The following PCSK5 variants were observed in gnomAD, a reference collection of about 807,000 sequenced individuals.
The protein encoded by PCSK5 is proprotein convertase subtilisin/kexin type 5, also known as prohormone convertase 5.
In PCSK5, 129 loss-of-function variants were observed where a neutral mutation model predicts 233.2. The ratio of observed to expected loss-of-function variants is 0.55; its 90% CI spans 0.48 to 0.64. PCSK5 has a LOEUF of 0.64. PCSK5 is among the 30% of genes least tolerant of loss of function. The pLI is 0.00. For synonymous variants in PCSK5, 825 were observed against 879.2 expected, an observed-to-expected ratio of 0.94 and a Z score of 1.09; for missense variants, 2,076 against 2,430.1, an observed-to-expected ratio of 0.85 and a Z score of 3.06.
intron 24 of PCSK5, among the ~76,000 whole-genome samples, chr9:76,280,459 G>T (rs1827829731): frequency 6.6e-6 from 1 of 152,118 alleles, no homozygotes; most frequent in African/African-American, 2.4e-5. Flanking sequence ...AACAAAGGTA[G>T]GGCCGGACAC....
rs763550601 is a variant in PCSK5, at chr9:75,893,879, G to A, written c.192+2506G>A. The stretch of plus-strand genomic sequence containing the variant: ...GAGAGCATTTCCTCTGTAGATCAAA[G>A]GAGCTTAAGCCTATGCTAAGTCTTT... On this transcript the variant is annotated intron_variant, in intron 1 of 37. Transcript: ENST00000674117. Among the ~76,000 whole-genome samples, 3 of 152,150 alleles carry A rather than the reference G, an allele frequency of 2.0e-5. No homozygotes were observed. In the South Asian group the frequency reaches 6.2e-4, roughly 32 times the overall value.
intron 34 of PCSK5, among the ~76,000 whole-genome samples, chr9:76,334,743 A>G (rs1160839157): frequency 3.3e-5 from 5 of 152,196 alleles, no homozygotes; most frequent in South Asian, 2.1e-4. Context: ...GAAAAACACC[A>G]GTCATATAGA....
At chr9:76,067,828 T>C in intron 5 of PCSK5, 127 bp from the exon 6 acceptor site, 1 of 707,224 alleles carries the variant, frequency 1.4e-6, no homozygotes, top group Non-Finnish European at 2.5e-6. Context: ...AAGTGCTACT[T>C]GGGAAGGAAG....
At chr9:76,016,412 G>A (rs565264832) in intron 3 of PCSK5, among the ~76,000 whole-genome samples, 1 of 152,330 alleles carries the variant, frequency 6.6e-6, no homozygotes, top group South Asian at 2.1e-4. Context: ...AATAGAGATG[G>A]AGGCAATGGT....
At chr9:76,056,876 G>T (rs192620125) in intron 5 of PCSK5, among the ~76,000 whole-genome samples, 1 of 152,116 alleles carries the variant, frequency 6.6e-6, no homozygotes, top group African/African-American at 2.4e-5. Flanking sequence ...TCATTGGTCT[G>T]TAGATCAATT....
chr9:75,985,600 G>A (rs1007364765), intron 2 of PCSK5, among the ~76,000 whole-genome samples: 3 of 152,054 alleles, frequency 2.0e-5, no homozygotes, highest in African/African-American at 4.8e-5. Flanking sequence ...ATAAACTGTG[G>A]CATGTGGAAC....
Position 76,175,096 on chromosome 9 carries a change from C to G in PCSK5, c.1867C>G (p.Pro623Ala), listed in dbSNP as rs772824954. Residue 623 changes from proline (P) to alanine (A), a missense_variant, in exon 14 of 38, where the codon CCC becomes GCC. This residue lies in a region of PCSK5 where 84 missense variants were observed against 108.8 expected (regional missense o/e 0.77). Coordinates refer to ENST00000674117, the MANE Select transcript of PCSK5 (RefSeq NM_001372043.1). Reference sequence around the variant, plus strand: ...GTTCCGCTATAGCCGAGTTGAAGACCCCACAGACGACTATGGCACAGAGGA... The same window carrying G: ...GTTCCGCTATAGCCGAGTTGAAGACGCCACAGACGACTATGGCACAGAGGA... ...ERFRYSRVED[P>A]TDDYGTEDYA... The G allele has an allele frequency of 6.2e-7, 1 of 1,614,108 alleles. No individual in the cohort carries two copies. The highest frequency in any genetic ancestry group is 2.2e-5 in the East Asian group (1 of 44,878).
intron 2 of PCSK5, among the ~76,000 whole-genome samples, chr9:75,945,097 G>T (rs1311590520): frequency 6.6e-6 from 1 of 151,124 alleles, no homozygotes; most frequent in East Asian, 1.9e-4. Context: ...CAACAAGAGC[G>T]AAATTCCATC....
intron 3 of PCSK5, among the ~76,000 whole-genome samples, chr9:76,007,200 C>T (rs912644336): frequency 6.6e-6 from 1 of 151,978 alleles, no homozygotes; most frequent in African/African-American, 2.4e-5. Context: ...TTGTTCTGTC[C>T]ATATATTTTA....
chr9:75,975,227 C>CG (rs1184389655), intron 2 of PCSK5, among the ~76,000 whole-genome samples: 1 of 152,074 alleles, frequency 6.6e-6, no homozygotes, highest in African/African-American at 2.4e-5. Context: ...CAGTAGGAGC[C>CG]GTGGAAATTT....
chr9:75,893,673 A>T (rs923925142), intron 1 of PCSK5, among the ~76,000 whole-genome samples: 3 of 152,230 alleles, frequency 2.0e-5, no homozygotes, highest in African/African-American at 7.2e-5. Context: ...TATTTACAAA[A>T]GGCCTTATAG....
chr9:76,157,145 C>T lies in PCSK5; in HGVS notation c.1413C>T (p.Ser471=). Residue 471 remains serine, a synonymous_variant, in exon 11 of 38, where the codon AGC becomes AGT. Coordinates refer to ENST00000674117, the MANE Select transcript of PCSK5 (RefSeq NM_001372043.1). ...TVPRQHVCVE[S]TDRQIKTIRP... Reference sequence around the variant, plus strand: ...CCCGGCAGCACGTGTGTGTGGAGAGCACAGACCGACAAATCAAGTAATGCT... The same window carrying T: ...CCCGGCAGCACGTGTGTGTGGAGAGTACAGACCGACAAATCAAGTAATGCT... The T allele has an allele frequency of 6.2e-7, 1 of 1,611,384 alleles. No homozygotes were observed. Among genetic ancestry groups the T allele is most frequent in the Non-Finnish European group, 8.5e-7 (1 of 1,178,152 alleles).
At chr9:76,015,009 A>T (rs773069329) in intron 3 of PCSK5, among the ~76,000 whole-genome samples, 3 of 152,302 alleles carry the variant, frequency 2.0e-5, no homozygotes, top group African/African-American at 7.2e-5. Flanking sequence ...GGATTGGTTC[A>T]TGTGATAATG....
Position 76,013,606 on chromosome 9 carries a change from C to T in PCSK5, c.412-10132C>T, listed in dbSNP as rs536894368. On this transcript the variant is annotated intron_variant, in intron 3 of 37. Transcript: ENST00000674117. ...TTTTCTATTTATTTGTCTTTCTTTC[C>T]GTCTGTTAATTCGTCCATTCACCCA... Among the ~76,000 whole-genome samples, 21 of 152,118 alleles carry T rather than the reference C, an allele frequency of 1.4e-4. No individual in the cohort carries two copies. The East Asian group carries it at 1.7e-3, about 13-fold the overall frequency.
Position 76,120,683 on chromosome 9 carries a change from G to GTT in PCSK5, c.1208+13340_1208+13341dup, listed in dbSNP as rs34304669. Among the ~76,000 whole-genome samples the GTT allele has an allele frequency of 1.3e-3, 188 of 149,986 alleles. 2 individuals are homozygous for GTT. The highest frequency in any genetic ancestry group is 3.6e-3 in the South Asian group (17 of 4,764). ...ACATTATATTATAGCTGATTTTCTT[G>GTT]TTTTTTTTTCCAGAATATATTCATA... On this transcript the variant is annotated intron_variant, in intron 9 of 37. Coordinates refer to ENST00000674117, the MANE Select transcript of PCSK5 (RefSeq NM_001372043.1).
chr9:75,897,493 T>TTC (rs1554702416), intron 1 of PCSK5, among the ~76,000 whole-genome samples: 5 of 142,084 alleles, frequency 3.5e-5, no homozygotes, highest in Non-Finnish European at 6.0e-5. Flanking sequence ...TCTTTTCTTT[T>TTC]TTTTTTTTTT....
Position 76,359,788 on chromosome 9 carries a change from A to C in PCSK5, c.*866A>C, listed in dbSNP as rs1007166289. On this transcript the variant is annotated 3_prime_UTR_variant, in exon 38 of 38. Coordinates refer to ENST00000674117, the MANE Select transcript of PCSK5 (RefSeq NM_001372043.1). Reference sequence around the variant, plus strand: ...CATAAAATGGAATAAAATGACAAACACTTCATCCGCTCTAAAAAATTCAGA... The same window carrying C: ...CATAAAATGGAATAAAATGACAAACCCTTCATCCGCTCTAAAAAATTCAGA... 7 of 152,114 alleles carry C rather than the reference A, an allele frequency of 4.6e-5. No homozygotes were observed. Among genetic ancestry groups the C allele is most frequent in the Non-Finnish European group, 7.4e-5 (5 of 68,024 alleles). The allele number at this position is 152,114 out of a possible 1,614,324, so 9.4% of individuals were successfully genotyped here.
At chr9:76,228,415 G>T (rs1020056085) in intron 21 of PCSK5, among the ~76,000 whole-genome samples, 1 of 152,142 alleles carries the variant, frequency 6.6e-6, no homozygotes, top group Non-Finnish European at 1.5e-5. Flanking sequence ...GCCTTTGAAG[G>T]TTTTCATTTA....
chr9:76,120,703 T>G (rs1832599550), intron 9 of PCSK5, among the ~76,000 whole-genome samples: 1 of 151,900 alleles, frequency 6.6e-6, no homozygotes, highest in South Asian at 2.1e-4. Context: ...CCAGAATATA[T>G]TCATAGCATC....
Sources: allele counts gnomAD v4.1 joint callset (sites outside exome capture counted in the v4.1 genomes callset), GRCh38; gene constraint gnomAD v4.1.1; regional missense constraint gnomAD v4.1.1; transcripts MANE v1.5; gene names NCBI Gene and HGNC (gene_info 2026-07-23, HGNC 2026-07-21).